The following MYO9A variants were observed in gnomAD, a reference collection of about 807,000 sequenced individuals.
MYO9A encodes the protein myosin IXA.
In MYO9A, 103 loss-of-function variants were observed where a neutral mutation model predicts 293.3. The ratio of observed to expected loss-of-function variants is 0.35; its 90% CI spans 0.30 to 0.41. MYO9A has a LOEUF of 0.41. Among genes scored for constraint, MYO9A ranks in the 10% least tolerant of loss-of-function variants. The pLI, the probability that MYO9A is intolerant of heterozygous loss-of-function variation, is 1.00. For synonymous variants in MYO9A, 1,001 were observed against 1,035.7 expected (o/e 0.97, Z 0.64); for missense variants, 2,685 against 3,033.0 (o/e 0.89, Z 2.69).
chr15:71,995,753 ATC>A (rs1480452302), intron 9 of MYO9A, among the ~76,000 whole-genome samples: 3 of 152,152 alleles, frequency 2.0e-5, no homozygotes, highest in Non-Finnish European at 4.4e-5. Flanking sequence ...GAACTAGAGT[ATC>A]TTCCAATTCC....
chr15:72,112,079 G>T (rs1245954229), intron 1 of MYO9A, among the ~76,000 whole-genome samples: 2 of 151,968 alleles, frequency 1.3e-5, no homozygotes, highest in African/African-American at 4.8e-5. Context: ...AAGATTCACA[G>T]ATATAAAAGC....
chr15:72,037,927 T>G (rs1297781066), intron 2 of MYO9A, among the ~76,000 whole-genome samples: 1 of 151,506 alleles, frequency 6.6e-6, no homozygotes, highest in Non-Finnish European at 1.5e-5. Flanking sequence ...TTTTTTTTTT[T>G]TCTCTGAGAC....
At chr15:71,968,699 A>C (rs925359093) in intron 12 of MYO9A, among the ~76,000 whole-genome samples, 1 of 152,166 alleles carries the variant, frequency 6.6e-6, no homozygotes, top group Non-Finnish European at 1.5e-5. Context: ...GGAAATATGG[A>C]AATACAAAAG....
intron 1 of MYO9A, among the ~76,000 whole-genome samples, chr15:72,103,551 TGGAAG>T (rs1567044819): frequency 2.0e-4 from 28 of 143,230 alleles, no homozygotes; most frequent in Non-Finnish European, 3.2e-4. Flanking sequence ...GCAGAAGCAG[TGGAAG>T]CAGAAGCAGC....
chr15:71,910,168 G>GTATATATATATATATATATATATA (rs377474158), intron 19 of MYO9A, among the ~76,000 whole-genome samples: 1 of 128,306 alleles, frequency 7.8e-6, no homozygotes, highest in Admixed American at 8.6e-5. Flanking sequence ...ATATATACGT[G>GTATATATATATATATATATATATA]TATATATATA....
At position 71,898,129 on chromosome 15, in the gene MYO9A, A is replaced by T. The variant is rs751296223; in HGVS notation, c.4374T>A (p.Asp1458Glu). Reference protein sequence around the residue: ...EDTAGEALTLDINRETRRYHC... With the variant: ...EDTAGEALTLEINRETRRYHC... Reference sequence around the variant, plus strand: ...GATACCTTCTAGTTTCCCTGTTGATATCCAAAGTAAGAGCTTCCCCCGCTG... The same window carrying T: ...GATACCTTCTAGTTTCCCTGTTGATTTCCAAAGTAAGAGCTTCCCCCGCTG... Residue 1458 changes from aspartate (D) to glutamate (E), a missense_variant, in exon 25 of 42, where the codon GAT becomes GAA. This residue lies in a region of MYO9A where 1,434 missense variants were observed against 1,497.7 expected (regional missense o/e 0.96). Transcript: ENST00000356056. 3 of 1,614,134 alleles carry T rather than the reference A, an allele frequency of 1.9e-6. No homozygotes were observed. The highest frequency in any genetic ancestry group is 2.5e-6 in the Non-Finnish European group (3 of 1,180,022).
In MYO9A at chr15:71,826,752, G is replaced by C. The variant is rs1350160697; in HGVS notation, c.7475C>G (p.Thr2492Ser). 2 of 1,613,994 alleles carry C rather than the reference G, an allele frequency of 1.2e-6. No individual in the cohort carries two copies. Among genetic ancestry groups the C allele is most frequent in the African/African-American group, 2.7e-5 (2 of 74,920 alleles). ...EDKPQFISRG[T>S]FNPEKGKQKL... is the part of the protein sequence containing the mutation. ...TTGTTTGCCCTTTTCCGGGTTGAAGGTTCCTCTGCTGATGAACTGAGGCTT... is the reference window on the plus strand; with the variant it reads ...TTGTTTGCCCTTTTCCGGGTTGAAGCTTCCTCTGCTGATGAACTGAGGCTT... Residue 2492 changes from threonine (T) to serine (S), a missense_variant, in exon 42 of 42, where the codon ACC becomes AGC. Thr to Ser is a moderately conservative substitution (Grantham distance 58). Around this residue, in one of 10 missense-constraint regions of MYO9A, gnomAD observed 350 missense variants for 328.9 expected, o/e 1.06. Transcript: ENST00000356056.
intron 22 of MYO9A, 22 bp downstream of exon 22, chr15:71,902,919 G>C (rs1483788349): frequency 1.3e-6 from 2 of 1,538,616 alleles, no homozygotes; most frequent in Non-Finnish European, 1.8e-6. Context: ...ATTTTGACCA[G>C]AGCTATACAG....
intron 18 of MYO9A, among the ~76,000 whole-genome samples, chr15:71,928,706 A>T (rs1353387325): frequency 6.6e-6 from 1 of 152,072 alleles, no homozygotes; most frequent in African/African-American, 2.4e-5. Context: ...ATGCTATTGT[A>T]AATGGGATGG....
chr15:71,992,987 CTAAG>C (rs892440738), intron 10 of MYO9A, among the ~76,000 whole-genome samples: 2 of 151,764 alleles, frequency 1.3e-5, no homozygotes, highest in Non-Finnish European at 2.9e-5. Context: ...AAGTAAATAA[CTAAG>C]AGAGAAAATA....
chr15:71,882,677 G>A (rs2056909356), intron 28 of MYO9A, among the ~76,000 whole-genome samples: 1 of 152,180 alleles, frequency 6.6e-6, no homozygotes, highest in Non-Finnish European at 1.5e-5. Context: ...GCATCTGCTA[G>A]GTACTGAAAT....
chr15:71,985,791 T>C, intron 11 of MYO9A, among the ~76,000 whole-genome samples: 1 of 152,196 alleles, frequency 6.6e-6, no homozygotes, highest in East Asian at 1.9e-4. Context: ...TTGAAGTTTT[T>C]TGGTTGTTCT....
intron 32 of MYO9A, among the ~76,000 whole-genome samples, chr15:71,873,137 G>A (rs1390638476): frequency 1.3e-5 from 2 of 151,196 alleles, no homozygotes; most frequent in African/African-American, 2.4e-5. Context: ...GGCTGGTCTC[G>A]AACTCCCGAC....
chr15:71,898,155 T>G lies in MYO9A; in HGVS notation c.4348A>C (p.Thr1450Pro), dbSNP rs990821595. ...TCCAAAGTAAGAGCTTCCCCCGCTG[T>G]GTCTTCATTTTCCAATAGTTTGTTT... The part of the protein sequence containing the change: ...QRNKLLENED[T>P]AGEALTLDIN... The change falls in exon 25 of 42, where the codon ACA (threonine) becomes CCA (proline). Residue 1450 changes from threonine to proline, a missense_variant. By Grantham distance (38) the Thr-to-Pro change is conservative. Around this residue, in one of 10 missense-constraint regions of MYO9A, gnomAD observed 1,434 missense variants for 1,497.7 expected, o/e 0.96. Coordinates refer to ENST00000356056, the MANE Select transcript of MYO9A (RefSeq NM_006901.4). 6 of 1,614,082 alleles carry G rather than the reference T, an allele frequency of 3.7e-6. No homozygotes were observed. The African/African-American group carries it at 8.0e-5, about 22-fold the overall frequency.
chr15:71,904,109 G>A, intron 20 of MYO9A, 70 bp from the exon 21 acceptor site: 2 of 1,209,834 alleles, frequency 1.7e-6, no homozygotes, highest in Non-Finnish European at 2.4e-6. Context: ...TTATAAGCAT[G>A]ACTAACTGTT....
Position 71,944,993 on chromosome 15 carries a change from G to A in MYO9A, c.2303-6066C>T, listed in dbSNP as rs183170038. Among the ~76,000 whole-genome samples, 6 of 152,244 alleles carry A rather than the reference G, an allele frequency of 3.9e-5. No individual in the cohort carries two copies. In the East Asian group the frequency reaches 1.2e-3, roughly 29 times the overall value. ...TTGTATTCTTCAGTTTCTCCTAGTA[G>A]TGCACAACTCTTAAACATATTTGTT... On this transcript the variant is annotated intron_variant, in intron 15 of 41. Coordinates refer to ENST00000356056, the MANE Select transcript of MYO9A (RefSeq NM_006901.4).
intron 8 of MYO9A, among the ~76,000 whole-genome samples, chr15:72,006,432 A>T (rs1017601047): frequency 2.6e-5 from 4 of 152,202 alleles, no homozygotes; most frequent in South Asian, 2.1e-4. Context: ...AAGTAAAACA[A>T]ATCAGTCTGA....
intron 11 of MYO9A, among the ~76,000 whole-genome samples, chr15:71,980,348 G>A (rs1293510274): frequency 2.6e-5 from 4 of 152,184 alleles, no homozygotes; most frequent in African/African-American, 9.6e-5. Context: ...CCACCCCAGC[G>A]TATGTCCCTA....
chr15:71,829,836 G>GA (rs560103277), intron 40 of MYO9A, among the ~76,000 whole-genome samples: 78 of 152,138 alleles, frequency 5.1e-4, no homozygotes, highest in African/African-American at 1.8e-3. Context: ...ATGCCCTGTG[G>GA]ATACTGTGTC....
Sources: allele counts gnomAD v4.1 joint callset (sites outside exome capture counted in the v4.1 genomes callset), GRCh38; gene constraint gnomAD v4.1.1; regional missense constraint gnomAD v4.1.1; transcripts MANE v1.5; gene names NCBI Gene and HGNC (gene_info 2026-07-23, HGNC 2026-07-21).